Variants in CHCHD6 observed in about 807,000 individuals in gnomAD.
CHCHD6 encodes the protein MICOS complex subunit MIC25.
In CHCHD6, 28 loss-of-function variants were observed where a neutral mutation model predicts 32.3. That is an observed-to-expected ratio of 0.87 (90% CI 0.64 to 1.19). CHCHD6 has a LOEUF of 1.19. Among genes scored for constraint, CHCHD6 ranks in the 50% most tolerant of loss-of-function variants. The pLI is 0.00. For missense variants in CHCHD6, 333 were observed against 307.0 expected (o/e 1.08, Z -0.63); for synonymous variants, 122 against 117.5 (o/e 1.04, Z -0.25).
rs910916412 is a variant in CHCHD6 at position 126,922,614 on chromosome 3, GC to G, written c.566+7867del. On this transcript the variant is annotated intron_variant, in intron 6 of 7. Coordinates refer to ENST00000290913, the MANE Select transcript of CHCHD6 (RefSeq NM_032343.3). ...TGGCTGTGCCCTTCCCTGAATTTCA[GC>G]CCACCACGTGTGTGTGTGTGTGTGT... Among the ~76,000 whole-genome samples, 22 of 129,342 alleles carry G rather than the reference GC, an allele frequency of 1.7e-4. No individual in the cohort carries two copies. In the Admixed American group the frequency reaches 1.9e-3, roughly 11 times the overall value. The allele number at this position is 129,342 out of a possible 152,430, so 84.9% of individuals were successfully genotyped here.
intron 4 of CHCHD6, among the ~76,000 whole-genome samples, chr3:126,750,445 G>C (rs755002888): frequency 3.3e-5 from 5 of 152,264 alleles, no homozygotes; most frequent in Non-Finnish European, 7.3e-5. Flanking sequence ...CCAGACCTCA[G>C]ATGGGGGCAG....
At chr3:126,909,671 A>G (rs929805374) in intron 5 of CHCHD6, among the ~76,000 whole-genome samples, 1 of 152,160 alleles carries the variant, frequency 6.6e-6, no homozygotes, top group African/African-American at 2.4e-5. Flanking sequence ...GAGGAGGAGG[A>G]GGGGCAGCTG....
intron 5 of CHCHD6, among the ~76,000 whole-genome samples, chr3:126,911,331 G>A (rs1311580338): frequency 1.3e-5 from 2 of 152,228 alleles, no homozygotes; most frequent in African/African-American, 4.8e-5. Context: ...CCTGGTGATT[G>A]GTTGAGGAGT....
chr3:126,910,413 C>T (rs767361826), intron 5 of CHCHD6, among the ~76,000 whole-genome samples: 2 of 152,240 alleles, frequency 1.3e-5, no homozygotes, highest in African/African-American at 4.8e-5. Context: ...CCCCTCCTGG[C>T]CGTTGCCCTG....
At chr3:126,917,201 G>A (rs1162749983) in intron 6 of CHCHD6, among the ~76,000 whole-genome samples, 1 of 152,192 alleles carries the variant, frequency 6.6e-6, no homozygotes, top group Non-Finnish European at 1.5e-5. Context: ...TATTTACTAA[G>A]CAATAAGTAC....
chr3:126,852,806 G>A, intron 5 of CHCHD6, 76 bp downstream of exon 5: 1 of 1,009,140 alleles, frequency 9.9e-7, no homozygotes, highest in South Asian at 1.3e-5. Flanking sequence ...ACTGTCATGG[G>A]GGGAGAGAGG....
At chr3:126,913,634 A>G (rs373697752) in intron 5 of CHCHD6, among the ~76,000 whole-genome samples, 1 of 152,246 alleles carries the variant, frequency 6.6e-6, no homozygotes, top group East Asian at 1.9e-4. Context: ...GCCCCACCTC[A>G]GGTTGTTTCA....
At chr3:126,707,367 A>G (rs773104813) in intron 1 of CHCHD6, among the ~76,000 whole-genome samples, 15 of 152,242 alleles carry the variant, frequency 9.9e-5, no homozygotes, top group Non-Finnish European at 2.2e-4. Flanking sequence ...GGAAGGTAAA[A>G]GAAATTTAAT....
rs997981346 is a variant in CHCHD6, at chr3:126,960,276, C to T, written c.*75C>T. The stretch of plus-strand genomic sequence containing the variant: ...GGGACCAATCATGGGACCACAGCCA[C>T]TGTGCCCTGCCGTTTCCTGCTGGGC... On this transcript the variant is annotated 3_prime_UTR_variant, in exon 8 of 8. Transcript: ENST00000290913. 2.4e-5 allele frequency: 37 copies of T among 1,530,528 alleles called. No individual in the cohort carries two copies. Among genetic ancestry groups the T allele is most frequent in the Admixed American group, 1.8e-4 (9 of 50,950 alleles). The allele number at this position is 1,530,528 out of a possible 1,614,324, so 94.8% of individuals were successfully genotyped here.
chr3:126,814,088 A>G (rs1255321134), intron 4 of CHCHD6, among the ~76,000 whole-genome samples: 1 of 152,174 alleles, frequency 6.6e-6, no homozygotes, highest in South Asian at 2.1e-4. Flanking sequence ...TTGATTTTCT[A>G]TTTCTGGATT....
intron 5 of CHCHD6, among the ~76,000 whole-genome samples, chr3:126,863,693 TCAC>T (rs1942075324): frequency 1.3e-5 from 1 of 74,518 alleles, no homozygotes; most frequent in African/African-American, 5.3e-5. Flanking sequence ...TCCTCCACCA[TCAC>T]CACCTCCTCC....
At chr3:126,957,385 C>T in intron 6 of CHCHD6, 31 bp from the exon 7 acceptor site, 2 of 1,602,742 alleles carry the variant, frequency 1.2e-6, no homozygotes, top group South Asian at 1.1e-5. Flanking sequence ...GGCACCTGAG[C>T]CCCAGGCCTG....
intron 4 of CHCHD6, among the ~76,000 whole-genome samples, chr3:126,847,642 T>C (rs1941335835): frequency 6.6e-6 from 1 of 152,190 alleles, no homozygotes; most frequent in Non-Finnish European, 1.5e-5. Context: ...TCAGGGGCCA[T>C]CTTGGAGGCC....
intron 5 of CHCHD6, among the ~76,000 whole-genome samples, chr3:126,897,127 G>A (rs764602293): frequency 7.9e-5 from 12 of 152,136 alleles, no homozygotes; most frequent in Non-Finnish European, 1.2e-4. Flanking sequence ...CGTGCTGTTC[G>A]GGGAGAGAGA....
chr3:126,922,656 C>A (rs1345522538), intron 6 of CHCHD6, among the ~76,000 whole-genome samples: 2 of 148,718 alleles, frequency 1.3e-5, no homozygotes, highest in Non-Finnish European at 3.0e-5. Context: ...TGTGTGTGTA[C>A]ACATGCTTGT....
intron 6 of CHCHD6, among the ~76,000 whole-genome samples, chr3:126,942,564 A>G (rs1389665143): frequency 1.3e-5 from 2 of 152,176 alleles, no homozygotes; most frequent in African/African-American, 2.4e-5. Context: ...AATATTCAAA[A>G]TGCCATAGAT....
intron 4 of CHCHD6, among the ~76,000 whole-genome samples, chr3:126,824,336 C>CG (rs1025549211): frequency 2.0e-5 from 3 of 151,356 alleles, no homozygotes; most frequent in African/African-American, 7.3e-5. Context: ...CTGAGGTGTG[C>CG]GGATCACCTG....
At chr3:126,783,613 A>G (rs1266130673) in intron 4 of CHCHD6, among the ~76,000 whole-genome samples, 1 of 152,248 alleles carries the variant, frequency 6.6e-6, no homozygotes, top group Non-Finnish European at 1.5e-5. Flanking sequence ...ACATAGAAAT[A>G]TCAATTGCAT....
intron 4 of CHCHD6, among the ~76,000 whole-genome samples, chr3:126,764,833 A>G (rs1219553020): frequency 6.6e-6 from 1 of 152,164 alleles, no homozygotes; most frequent in Non-Finnish European, 1.5e-5. Flanking sequence ...TGGACAAATT[A>G]GGTTAGTTTA....
Sources: gnomAD v4.1 joint callset for allele counts (sites outside exome capture counted in the v4.1 genomes callset) on GRCh38, gnomAD v4.1.1 for gene constraint, MANE v1.5 for transcripts, NCBI Gene and HGNC (gene_info 2026-07-23, HGNC 2026-07-21) for gene names.